The following DAB1 variants were observed in gnomAD, a reference collection of about 807,000 sequenced individuals.
DAB1 encodes the protein DAB adaptor protein 1.
In DAB1, 15 loss-of-function variants were observed where a neutral mutation model predicts 64.6. The observed-to-expected ratio is 0.23, with a 90% CI of 0.16 to 0.36. The LOEUF (loss-of-function observed/expected upper bound fraction) is 0.36. Among genes scored for constraint, DAB1 ranks in the 10% least tolerant of loss-of-function variants. The pLI is 1.00. For missense variants in DAB1, 596 were observed against 706.7 expected, an observed-to-expected ratio of 0.84 and a Z score of 1.78; for synonymous variants, 235 against 251.9, an observed-to-expected ratio of 0.93 and a Z score of 0.64.
intron 4 of DAB1, among the ~76,000 whole-genome samples, chr1:58,296,810 A>C (rs1022308495): frequency 2.0e-5 from 3 of 152,194 alleles, no homozygotes; most frequent in African/African-American, 7.2e-5. Flanking sequence ...ATCCCAATCC[A>C]CTTCCAGCTA....
At chr1:57,580,914 G>A (rs1645305345) in intron 7 of DAB1, among the ~76,000 whole-genome samples, 1 of 152,230 alleles carries the variant, frequency 6.6e-6, no homozygotes, top group African/African-American at 2.4e-5. Flanking sequence ...CTGGAATGCA[G>A]GGCTGCCTGG....
intron 4 of DAB1, among the ~76,000 whole-genome samples, chr1:58,243,530 T>C (rs568993412): frequency 1.3e-5 from 2 of 152,186 alleles, no homozygotes; most frequent in East Asian, 3.9e-4. Context: ...TAGTCCCAAG[T>C]GAAGAACTAT....
chr1:57,053,767 A>C (rs1026339957), intron 9 of DAB1, among the ~76,000 whole-genome samples: 2 of 148,226 alleles, frequency 1.3e-5, no homozygotes, highest in African/African-American at 5.0e-5. Flanking sequence ...GGCTCACTGA[A>C]ACCTCCGCTT....
intron 4 of DAB1, among the ~76,000 whole-genome samples, chr1:58,245,455 G>A (rs527447650): frequency 6.6e-6 from 1 of 152,304 alleles, no homozygotes; most frequent in South Asian, 2.1e-4. Context: ...AAGGGCAACT[G>A]TTAAGATGTG....
chr1:57,420,899 AAAGTGCCATCT>A, intron 1 of DAB1, among the ~76,000 whole-genome samples: 1 of 152,364 alleles, frequency 6.6e-6, no homozygotes, highest in Admixed American at 6.5e-5. Context: ...TGCTATTTTT[AAAGTGCCATCT>A]AAGAGACATA....
chr1:57,029,438 C>A (rs1277082766), intron 9 of DAB1, among the ~76,000 whole-genome samples: 1 of 152,180 alleles, frequency 6.6e-6, no homozygotes, highest in African/African-American at 2.4e-5. Context: ...ATACAGAGTC[C>A]TACTGGAGCT....
chr1:57,984,671 G>T (rs945217377), intron 5 of DAB1, among the ~76,000 whole-genome samples: 1 of 152,150 alleles, frequency 6.6e-6, no homozygotes, highest in Non-Finnish European at 1.5e-5. Context: ...CATGCAATTA[G>T]CTCAACAGAT....
intron 4 of DAB1, among the ~76,000 whole-genome samples, chr1:58,330,045 T>C (rs1405046851): frequency 6.6e-6 from 1 of 152,192 alleles, no homozygotes; most frequent in Non-Finnish European, 1.5e-5. Context: ...CATTGAAAGC[T>C]GAGATAGTCC....
intron 1 of DAB1, among the ~76,000 whole-genome samples, chr1:57,383,778 C>A (rs778262474): frequency 6.6e-6 from 1 of 152,024 alleles, no homozygotes; most frequent in Non-Finnish European, 1.5e-5. Context: ...AAAGACCTAA[C>A]CATGAAACTT....
intron 5 of DAB1, among the ~76,000 whole-genome samples, chr1:58,043,342 A>G (rs77375869): frequency 2.5e-3 from 378 of 152,356 alleles, no homozygotes; most frequent in Non-Finnish European, 4.1e-3. Context: ...AGGTACTATA[A>G]AAAACAATTT....
intron 4 of DAB1, among the ~76,000 whole-genome samples, chr1:58,319,832 C>A (rs1662642187): frequency 6.6e-6 from 1 of 152,168 alleles, no homozygotes; most frequent in Non-Finnish European, 1.5e-5. Flanking sequence ...ATCTTTCTCC[C>A]AACTTGTTGT....
chr1:57,137,921 T>C (rs536453115), intron 3 of DAB1, among the ~76,000 whole-genome samples: 1 of 152,290 alleles, frequency 6.6e-6, no homozygotes, highest in Admixed American at 6.5e-5. Flanking sequence ...ATCTAAGTTA[T>C]ACTCCTGGTT....
intron 5 of DAB1, among the ~76,000 whole-genome samples, chr1:58,049,901 A>C (rs1247348339): frequency 1.4e-5 from 2 of 144,096 alleles, no homozygotes; most frequent in African/African-American, 5.1e-5. Flanking sequence ...GTAGGGAAAG[A>C]AATTATTTTG....
rs547298669 is a variant in DAB1 at position 57,016,368 on chromosome 1, G to T, written c.896-937C>A. Among the ~76,000 whole-genome samples the T allele has an allele frequency of 6.9e-4, 105 of 152,140 alleles. 2 individuals are homozygous for T. The highest frequency in any genetic ancestry group is 4.4e-5 in the Non-Finnish European group (3 of 68,012). On this transcript the variant is annotated intron_variant, in intron 11 of 14. Transcript: ENST00000371236. ...AGGTCCAGGTGGGAGGATTGCTTGA[G>T]GCTTGGAGTTTGAGACCAGCTTTAG... is the stretch of plus-strand genomic sequence containing the variant.
chr1:57,213,716 C>T (rs11801601), intron 2 of DAB1, among the ~76,000 whole-genome samples: 3,130 of 152,312 alleles, frequency 0.021, 48 homozygotes, highest in Non-Finnish European at 0.028. Context: ...TAACCTCTTT[C>T]GGACCCTGTT....
intron 7 of DAB1, among the ~76,000 whole-genome samples, chr1:57,475,801 A>G (rs903874849): frequency 6.6e-6 from 1 of 152,190 alleles, no homozygotes; most frequent in African/African-American, 2.4e-5. Context: ...GAGCTCCTTG[A>G]GTGGGGGAAC....
At chr1:57,923,641 A>T (rs1432507728) in intron 5 of DAB1, among the ~76,000 whole-genome samples, 1 of 152,218 alleles carries the variant, frequency 6.6e-6, no homozygotes, top group East Asian at 1.9e-4. Flanking sequence ...AGCCATGCTG[A>T]ATGAATGAAG....
chr1:57,106,673 A>C (rs1416044245), intron 4 of DAB1, among the ~76,000 whole-genome samples: 2 of 152,208 alleles, frequency 1.3e-5, no homozygotes, highest in African/African-American at 4.8e-5. Flanking sequence ...CCTTTGATCC[A>C]ACCGTAGGAA....
intron 5 of DAB1, among the ~76,000 whole-genome samples, chr1:57,913,572 A>G (rs1451106337): frequency 1.3e-5 from 2 of 152,268 alleles, no homozygotes; most frequent in African/African-American, 4.8e-5. Context: ...AGCAATGGCA[A>G]CAAAAGCCAA....
Sources: gnomAD v4.1 joint callset for allele counts (sites outside exome capture counted in the v4.1 genomes callset) on GRCh38, gnomAD v4.1.1 for gene constraint, MANE v1.5 for transcripts, NCBI Gene and HGNC (gene_info 2026-07-23, HGNC 2026-07-21) for gene names.